Variants in PSMB3 observed in about 807,000 individuals in gnomAD.
PSMB3 encodes proteasome 20S subunit beta 3.
In PSMB3, 5 loss-of-function variants were observed where a neutral mutation model predicts 23.3. The ratio of observed to expected loss-of-function variants is 0.21; its 90% CI spans 0.11 to 0.45. The LOEUF is 0.45. Among genes scored for constraint, PSMB3 ranks in the 20% least tolerant of loss-of-function variants. The pLI, the probability that PSMB3 is intolerant of heterozygous loss-of-function variation, is 0.99. For missense variants in PSMB3, 192 were observed against 277.9 expected (o/e 0.69, Z 2.20); for synonymous variants, 85 against 99.8 (o/e 0.85, Z 0.88).
At chr17:38,761,114 C>G in intron 4 of PSMB3, among the ~76,000 whole-genome samples, 1 of 151,906 alleles carries the variant, frequency 6.6e-6, no homozygotes. Flanking sequence ...CTTTGGGAGG[C>G]TGAGGCAAGC....
chr17:38,757,034 A>ATT (rs35172699), intron 3 of PSMB3, among the ~76,000 whole-genome samples: 15,335 of 65,690 alleles, frequency 0.23, 3,680 homozygotes, highest in South Asian at 0.42. Context: ...CACCTGGCTA[A>ATT]TTTTTTTTTT....
At chr17:38,763,091 T>G (rs1908510599) in intron 5 of PSMB3, among the ~76,000 whole-genome samples, 1 of 152,208 alleles carries the variant, frequency 6.6e-6, no homozygotes, top group Non-Finnish European at 1.5e-5. Context: ...GCGCGTTGGC[T>G]CACGCCTGTA....
Position 38,753,222 on chromosome 17 carries a change from A to G in PSMB3, c.76A>G (p.Arg26Gly). ...GAACTGTGTGGCCATCGCTGCAGAC[A>G]GGCGCTTCGGGATCCAGGCCCAGAT... ...GKNCVAIAAD[R>G]RFGIQAQMVT... is the part of the protein sequence containing the mutation. Residue 26 changes from arginine (R) to glycine (G), a missense_variant, in exon 2 of 6, where the codon AGG (arginine) becomes GGG (glycine). By Grantham distance (125) the Arg-to-Gly change is moderately radical. Coordinates refer to ENST00000619426, the MANE Select transcript of PSMB3 (RefSeq NM_002795.4). 6.2e-7 allele frequency: 1 copy of G among 1,614,238 alleles called. No homozygotes were observed. The highest frequency in any genetic ancestry group is 8.5e-7 in the Non-Finnish European group (1 of 1,180,040).
intron 2 of PSMB3, among the ~76,000 whole-genome samples, chr17:38,754,832 T>A (rs570374707): frequency 3.3e-5 from 5 of 152,200 alleles, no homozygotes; most frequent in African/African-American, 1.2e-4. Context: ...TTGCTTTTCC[T>A]CCAGCAGGTG....
intron 5 of PSMB3, 99 bp from the exon 6 acceptor site, chr17:38,764,020 C>T (rs1049944653): frequency 1.1e-5 from 16 of 1,429,612 alleles, no homozygotes; most frequent in African/African-American, 1.4e-5. Context: ...GCTCCCTTGC[C>T]GCAGGGCTTG....
At chr17:38,762,640 T>C in intron 5 of PSMB3, 135 bp downstream of exon 5, 1 of 745,752 alleles carries the variant, frequency 1.3e-6, no homozygotes, top group South Asian at 1.8e-5. Context: ...CAGTCCTGGG[T>C]GAGCAAAAGT....
chr17:38,754,680 C>A (rs1389933549), intron 2 of PSMB3, among the ~76,000 whole-genome samples: 1 of 152,156 alleles, frequency 6.6e-6, no homozygotes, highest in Non-Finnish European at 1.5e-5. Flanking sequence ...CACACCATTT[C>A]CTTTTCTTCA....
intron 4 of PSMB3, among the ~76,000 whole-genome samples, chr17:38,761,368 T>C (rs1000172579): frequency 1.7e-5 from 2 of 115,272 alleles, no homozygotes; most frequent in African/African-American, 3.7e-5. Flanking sequence ...AAAAAAAAAG[T>C]GGTGCTGAGG....
At chr17:38,753,122 G>A (rs370961393) in intron 1 of PSMB3, 28 bp from the exon 2 acceptor site, 53 of 1,585,700 alleles carry the variant, frequency 3.3e-5, no homozygotes, top group Non-Finnish European at 4.4e-5. Flanking sequence ...GACCCCCCGC[G>A]CTGACCCCTC....
intron 3 of PSMB3, among the ~76,000 whole-genome samples, chr17:38,758,428 C>T (rs1257716951): frequency 6.6e-6 from 1 of 152,086 alleles, no homozygotes; most frequent in Non-Finnish European, 1.5e-5. Context: ...CAACCTTTGC[C>T]TCCTGGGTGC....
intron 4 of PSMB3, 112 bp from the exon 5 acceptor site, chr17:38,762,299 C>A: frequency 2.3e-6 from 2 of 857,134 alleles, no homozygotes; most frequent in South Asian, 1.6e-5. Context: ...TTACTTCAGG[C>A]ATGTCTTGGG....
intron 2 of PSMB3, chr17:38,755,155 T>G (rs1908099418): frequency 6.6e-6 from 1 of 152,096 alleles, no homozygotes; most frequent in Non-Finnish European, 1.5e-5. Context: ...TTGTAGTTAT[T>G]GTAAGAGGCA....
intron 4 of PSMB3, among the ~76,000 whole-genome samples, chr17:38,760,949 C>A (rs1235960533): frequency 6.6e-6 from 1 of 152,164 alleles, no homozygotes; most frequent in Non-Finnish European, 1.5e-5. Context: ...GGGTTGGCAA[C>A]CTGGATCCAC....
rs1308650776 is a variant in PSMB3, at chr17:38,762,513, T to C, written c.569+8T>C. ...AGTCATTGTCCACATCATGTGAGTA[T>C]GGGCTGGGAGAAGTCTAGAAGCTCT... is the stretch of plus-strand genomic sequence containing the variant. On this transcript the variant is annotated splice_region_variant and intron_variant, in intron 5 of 5. Transcript: ENST00000619426. The C allele has an allele frequency of 6.2e-7, 1 of 1,611,718 alleles. No individual in the cohort carries two copies. Among genetic ancestry groups the C allele is most frequent in the African/African-American group, 1.3e-5 (1 of 74,874 alleles).
chr17:38,763,403 C>T (rs1028746475), intron 5 of PSMB3, among the ~76,000 whole-genome samples: 7 of 151,840 alleles, frequency 4.6e-5, no homozygotes, highest in Admixed American at 6.5e-5. Context: ...AATTTACCAC[C>T]GACGGTTTTT....
chr17:38,755,715 T>TGTGC lies in PSMB3; in HGVS notation c.189-167_189-166insTGCG, dbSNP rs142685157. ...GTGTGTGTGTGTGTGTGTGTGTGTGTGCTGCCAAAGCAAGCACCAGTTGCT... is the reference window on the plus strand; with the variant it reads ...GTGTGTGTGTGTGTGTGTGTGTGTGTGTGCGCTGCCAAAGCAAGCACCAGTTGCT... On this transcript the variant is annotated intron_variant, in intron 2 of 5. Transcript: ENST00000619426. 2.8e-3 allele frequency among the ~76,000 whole-genome samples: 384 copies of TGTGC among 138,402 alleles called. 1 individual carries two copies. Among genetic ancestry groups the TGTGC allele is most frequent in the African/African-American group, 0.01 (360 of 35,496 alleles). The allele number at this position is 138,402 out of a possible 152,430, so 90.8% of individuals were successfully genotyped here.
intron 5 of PSMB3, among the ~76,000 whole-genome samples, chr17:38,762,997 A>T (rs745743640): frequency 6.6e-6 from 1 of 152,124 alleles, no homozygotes; most frequent in Admixed American, 6.5e-5. Context: ...TATCCTTCCA[A>T]CCACTTTCCT....
chr17:38,762,548 C>A (rs1331323144), intron 5 of PSMB3, 43 bp downstream of exon 5: 2 of 1,543,040 alleles, frequency 1.3e-6, no homozygotes, highest in Admixed American at 1.7e-5. Flanking sequence ...TGCAGACACC[C>A]TGCCTCTCTC....
chr17:38,755,679 T>C (rs1908153174), intron 2 of PSMB3, among the ~76,000 whole-genome samples: 1 of 120,294 alleles, frequency 8.3e-6, no homozygotes, highest in Non-Finnish European at 1.7e-5. Context: ...TATATATATA[T>C]ATATGTGTGT....
Sources: allele counts gnomAD v4.1 joint callset (sites outside exome capture counted in the v4.1 genomes callset), GRCh38; gene constraint gnomAD v4.1.1; transcripts MANE v1.5; gene names NCBI Gene and HGNC (gene_info 2026-07-23, HGNC 2026-07-21).